PCDHGA1: variants seen among roughly 807,000 people sequenced by gnomAD.
The protein encoded by PCDHGA1 is protocadherin gamma-A1.
PCDHGA1 carries 32 observed loss-of-function variants against 58.0 expected under a neutral mutation model. That is an observed-to-expected ratio of 0.55 (90% confidence interval 0.42 to 0.74). The LOEUF is 0.74. PCDHGA1 is among the 30% of genes least tolerant of loss of function. The pLI is 0.00. For synonymous variants in PCDHGA1, 498 were observed against 501.1 expected (o/e 0.99, Z 0.08); for missense variants, 1,205 against 1,182.3 (o/e 1.02, Z -0.28).
chr5:141,364,683 G>C, intron 1 of PCDHGA1: 1 of 1,613,976 alleles, frequency 6.2e-7, no homozygotes, highest in Non-Finnish European at 8.5e-7. Flanking sequence ...AAAATTTATG[G>C]AGTAGAAGTA....
At chr5:141,386,383 A>C (rs980668572) in intron 1 of PCDHGA1, among the ~76,000 whole-genome samples, 5 of 152,206 alleles carry the variant, frequency 3.3e-5, no homozygotes, top group Admixed American at 2.6e-4. Context: ...GTATTAATTA[A>C]AAACACACTT....
chr5:141,348,400 C>T lies in PCDHGA1; in HGVS notation c.2421+15295C>T, dbSNP rs575477453. 4.0e-4 allele frequency among the ~76,000 whole-genome samples: 61 copies of T among 152,012 alleles called. No homozygotes were observed. The South Asian group carries it at 0.012, about 31-fold the overall frequency. On this transcript the variant is annotated intron_variant, in intron 1 of 3. Coordinates refer to ENST00000517417, the MANE Select transcript of PCDHGA1 (RefSeq NM_018912.3). The stretch of plus-strand genomic sequence containing the variant: ...CTTGGGCAACATAGCATGACCCTGT[C>T]TCAAAAGAAAAAGGCACGTAACTTT...
chr5:141,465,049 T>G (rs546927594), intron 1 of PCDHGA1, among the ~76,000 whole-genome samples: 1 of 152,016 alleles, frequency 6.6e-6, no homozygotes, highest in Non-Finnish European at 1.5e-5. Flanking sequence ...ACCCTATATA[T>G]TTTTTTGAAT....
intron 1 of PCDHGA1, chr5:141,408,110 T>G: frequency 2.8e-6 from 4 of 1,445,204 alleles, no homozygotes; most frequent in Non-Finnish European, 2.7e-6. Context: ...GACCCGGGAC[T>G]CCTCCTGTCC....
At chr5:141,388,628 G>C (rs752578230) in intron 1 of PCDHGA1, 1 of 1,613,780 alleles carries the variant, frequency 6.2e-7, no homozygotes, top group African/African-American at 1.3e-5. Context: ...ACGTATACAG[G>C]GTGAGCCTTT....
At chr5:141,376,522 G>T in intron 1 of PCDHGA1, 1 of 1,613,784 alleles carries the variant, frequency 6.2e-7, no homozygotes, top group Non-Finnish European at 8.5e-7. Context: ...GTTTCTTTCC[G>T]CCTAAGCGGG....
At chr5:141,367,223 C>G in intron 1 of PCDHGA1, 1 of 155,444 alleles carries the variant, frequency 6.4e-6, no homozygotes, top group Non-Finnish European at 1.4e-5. Flanking sequence ...TGGAAAGGTA[C>G]AGAGAACTTC....
rs372656276 is a variant in PCDHGA1, at chr5:141,415,107, A to G, written c.2422-79700A>G. ...TGCTGGACAGAGACGCGCTCAAGCA[A>G]AGCCTCGTAGTGGCCGTCCAGGACC... is the stretch of plus-strand genomic sequence containing the variant. On this transcript the variant is annotated intron_variant, in intron 1 of 3. Transcript: ENST00000517417. 1,052 of 1,613,570 alleles carry G rather than the reference A, an allele frequency of 6.5e-4. 7 individuals carry two copies. The African/African-American group carries it at 8.4e-3, about 13-fold the overall frequency.
At chr5:141,415,753 T>TG in intron 1 of PCDHGA1, 2 of 1,381,386 alleles carry the variant, frequency 1.4e-6, no homozygotes, top group Non-Finnish European at 1.9e-6. Context: ...TTTTTTTTTT[T>TG]TTTTTTTTTT....
At position 141,385,515 on chromosome 5, in the gene PCDHGA1, C is replaced by A. The variant is rs549682834; in HGVS notation, c.2421+52410C>A. On this transcript the variant is annotated intron_variant, in intron 1 of 3. Coordinates refer to ENST00000517417, the MANE Select transcript of PCDHGA1 (RefSeq NM_018912.3). ...GGATATAGTATTTCTTTAGTGAAAG[C>A]CTATGGACAAGATTATGAATATGTG... The A allele has an allele frequency of 5.6e-5, 76 of 1,362,798 alleles. No homozygotes were observed. The East Asian group carries it at 1.7e-3, about 31-fold the overall frequency. 84.4% of individuals were successfully genotyped at this position (1,362,798 alleles called of 1,614,324 possible).
chr5:141,489,101 T>G lies in PCDHGA1; in HGVS notation c.2422-5706T>G. 1 of 398,408 alleles carries G rather than the reference T, an allele frequency of 2.5e-6. No homozygotes were observed. Among genetic ancestry groups the G allele is most frequent in the Non-Finnish European group, 4.5e-6 (1 of 223,328 alleles). The allele number at this position is 398,408 out of a possible 1,614,324, so 24.7% of individuals were successfully genotyped here. On this transcript the variant is annotated intron_variant, in intron 1 of 3. Transcript: ENST00000517417. The surrounding 1 kb of genome is among the most constrained non-coding windows in gnomAD (Gnocchi z 4.5). Reference sequence around the variant, plus strand: ...CCGCCACTCGGTGACTAAGAACTGCTGCAAGCAGGCAAACCTCCGAGCAGT... The same window carrying G: ...CCGCCACTCGGTGACTAAGAACTGCGGCAAGCAGGCAAACCTCCGAGCAGT...
At position 141,487,137 on chromosome 5, in the gene PCDHGA1, T is replaced by A. The variant is rs2154580779; in HGVS notation, c.2422-7670T>A. ...GTAAAGGATAGTGGTAGTCCACCAC[T>A]CTCTACCTCTGTTACTCTCTTAGTG... On this transcript the variant is annotated intron_variant, in intron 1 of 3. Coordinates refer to ENST00000517417, the MANE Select transcript of PCDHGA1 (RefSeq NM_018912.3). The surrounding 1 kb of genome is among the most constrained non-coding windows in gnomAD (Gnocchi z 5.0). 1.9e-6 allele frequency: 3 copies of A among 1,614,092 alleles called. No individual in the cohort carries two copies. The East Asian group carries it at 6.7e-5, about 36-fold the overall frequency.
At position 141,485,009 on chromosome 5, in the gene PCDHGA1, C is replaced by T. The variant is rs531346426; in HGVS notation, c.2422-9798C>T. The T allele has an allele frequency of 6.4e-5, 40 of 628,334 alleles. No homozygotes were observed. Among genetic ancestry groups the T allele is most frequent in the Admixed American group, 5.3e-4 (18 of 33,986 alleles). The allele number at this position is 628,334 out of a possible 1,614,324, so 38.9% of individuals were successfully genotyped here. On this transcript the variant is annotated intron_variant, in intron 1 of 3. Transcript: ENST00000517417. The surrounding 1 kb of genome is among the most constrained non-coding windows in gnomAD (Gnocchi z 5.7). Reference sequence around the variant, plus strand: ...GGTGGTGAAAGGCAGACAAATCTACCCCGCCACCAGCAAAAACGGCGCGTA... The same window carrying T: ...GGTGGTGAAAGGCAGACAAATCTACTCCGCCACCAGCAAAAACGGCGCGTA...
intron 2 of PCDHGA1, among the ~76,000 whole-genome samples, chr5:141,499,689 CTTTTTTT>C (rs545067566): frequency 8.3e-6 from 1 of 119,856 alleles, no homozygotes; most frequent in Non-Finnish European, 1.7e-5. Flanking sequence ...TAACAGATGA[CTTTTTTT>C]TTTTTTTTTT....
rs375260597 is a variant in PCDHGA1 at position 141,388,655 on chromosome 5, G to C, written c.2421+55550G>C. On this transcript the variant is annotated intron_variant, in intron 1 of 3. Coordinates refer to ENST00000517417, the MANE Select transcript of PCDHGA1 (RefSeq NM_018912.3). Reference sequence around the variant, plus strand: ...TGAGCCTTTCAGAAAACGTGTACCCGGGGACCACGGTGCTACAGGTGACTG... The same window carrying C: ...TGAGCCTTTCAGAAAACGTGTACCCCGGGACCACGGTGCTACAGGTGACTG... The C allele has an allele frequency of 1.9e-6, 3 of 1,613,808 alleles. No individual in the cohort carries two copies. In the African/African-American group the frequency reaches 4.0e-5, roughly 22 times the overall value.
At chr5:141,395,224 C>G (rs1442627118) in intron 1 of PCDHGA1, 1 of 1,610,586 alleles carries the variant, frequency 6.2e-7, no homozygotes, top group Admixed American at 1.7e-5. Context: ...AAGAATGAAG[C>G]TGATCATGGT....
intron 1 of PCDHGA1, chr5:141,390,100 C>A (rs2092045935): frequency 1.2e-6 from 2 of 1,614,060 alleles, no homozygotes; most frequent in Non-Finnish European, 1.7e-6. Context: ...GTGGTTCCCC[C>A]CAACTACAGC....
intron 1 of PCDHGA1, chr5:141,340,332 G>T (rs886859909): frequency 7.4e-6 from 12 of 1,613,882 alleles, no homozygotes; most frequent in Non-Finnish European, 1.0e-5. Context: ...GCCTTCTCCC[G>T]CACATCCTAC....
chr5:141,404,736 A>G, intron 1 of PCDHGA1: 1 of 1,613,622 alleles, frequency 6.2e-7, no homozygotes, highest in Non-Finnish European at 8.5e-7. Context: ...GTGGCAGTGG[A>G]CAGAGACTCA....
Sources: gnomAD v4.1 joint callset for allele counts (sites outside exome capture counted in the v4.1 genomes callset) on GRCh38, gnomAD v4.1.1 for gene constraint, Gnocchi (gnomAD v3.1) non-coding constraint, MANE v1.5 for transcripts, NCBI Gene and HGNC (gene_info 2026-07-23, HGNC 2026-07-21) for gene names.